Variants in PACRG observed in about 807,000 individuals in gnomAD.
PACRG encodes parkin coregulated gene protein.
A neutral mutation model predicts 29.7 loss-of-function variants in PACRG; 29 were observed. The ratio of observed to expected loss-of-function variants is 0.98; its 90% CI spans 0.73 to 1.33. The LOEUF (loss-of-function observed/expected upper bound fraction) is 1.33, where lower values mean the gene tolerates loss of function less well. Ranked by LOEUF, PACRG falls within the 40% of genes most tolerant of loss-of-function variation. The pLI is 0.00. For synonymous variants in PACRG, 116 were observed against 118.7 expected, an observed-to-expected ratio of 0.98 and a Z score of 0.15; for missense variants, 279 against 316.2, an observed-to-expected ratio of 0.88 and a Z score of 0.89.
chr6:163,026,554 T>C (rs965709186), intron 2 of PACRG, among the ~76,000 whole-genome samples: 1 of 152,228 alleles, frequency 6.6e-6, no homozygotes, highest in Admixed American at 6.5e-5. Context: ...ACTATAGTGC[T>C]GTGTCCTTAA....
intron 4 of PACRG, among the ~76,000 whole-genome samples, chr6:163,291,161 C>T (rs1398664988): frequency 3.3e-5 from 5 of 150,518 alleles, no homozygotes; most frequent in African/African-American, 1.2e-4. Context: ...TGCGGGTCAC[C>T]CTGCAAGATG....
intron 4 of PACRG, among the ~76,000 whole-genome samples, chr6:163,215,565 T>C (rs1781329739): frequency 6.6e-6 from 1 of 152,210 alleles, no homozygotes; most frequent in South Asian, 2.1e-4. Flanking sequence ...TTTAAGATGC[T>C]CATGGGACAT....
chr6:163,114,016 G>A (rs1008974451), intron 4 of PACRG, among the ~76,000 whole-genome samples: 4 of 152,172 alleles, frequency 2.6e-5, no homozygotes, highest in Admixed American at 6.5e-5. Context: ...TTGGGAGGCC[G>A]AGGTGGGCAG....
intron 4 of PACRG, among the ~76,000 whole-genome samples, chr6:163,196,007 C>T (rs1287609008): frequency 6.6e-6 from 1 of 152,148 alleles, no homozygotes; most frequent in East Asian, 1.9e-4. Context: ...CCAGAGACCC[C>T]CTACGAGCTG....
intron 4 of PACRG, among the ~76,000 whole-genome samples, chr6:163,266,856 A>G (rs1783545860): frequency 6.6e-6 from 1 of 152,114 alleles, no homozygotes; most frequent in Non-Finnish European, 1.5e-5. Flanking sequence ...AGATTTGGGG[A>G]AAGTTCCCTC....
At chr6:163,180,909 A>G (rs1448058437) in intron 4 of PACRG, among the ~76,000 whole-genome samples, 1 of 152,204 alleles carries the variant, frequency 6.6e-6, no homozygotes, top group Admixed American at 6.5e-5. Context: ...TGGCGTTTTC[A>G]TTCTCATTTC....
At chr6:163,243,082 C>A (rs1782560729) in intron 4 of PACRG, among the ~76,000 whole-genome samples, 1 of 152,228 alleles carries the variant, frequency 6.6e-6, no homozygotes, top group South Asian at 2.1e-4. Context: ...GGGAGACCAA[C>A]CATGACCCGC....
chr6:163,004,048 T>C (rs1237273244), intron 2 of PACRG, among the ~76,000 whole-genome samples: 1 of 152,172 alleles, frequency 6.6e-6, no homozygotes, highest in Non-Finnish European at 1.5e-5. Context: ...TCTTTCAGAG[T>C]TCATTGATCT....
At chr6:163,090,396 A>G (rs1359903613) in intron 4 of PACRG, 1 of 152,210 alleles carries the variant, frequency 6.6e-6, no homozygotes, top group Admixed American at 6.5e-5. Flanking sequence ...TAGAAAAAGG[A>G]CTTCAAACTG....
intron 1 of PACRG, among the ~76,000 whole-genome samples, chr6:162,812,240 G>A (rs1033864282): frequency 2.0e-5 from 3 of 152,082 alleles, no homozygotes; most frequent in African/African-American, 4.8e-5. Flanking sequence ...TAAAGGCTAT[G>A]TGTGTTCTCT....
At chr6:163,270,849 T>C (rs1327804416) in intron 4 of PACRG, among the ~76,000 whole-genome samples, 3 of 152,164 alleles carry the variant, frequency 2.0e-5, no homozygotes, top group Non-Finnish European at 4.4e-5. Flanking sequence ...TCTTCTCCAA[T>C]AGAAAATGGT....
chr6:163,250,470 T>C (rs1245191976), intron 4 of PACRG, among the ~76,000 whole-genome samples: 1 of 152,252 alleles, frequency 6.6e-6, no homozygotes, highest in African/African-American at 2.4e-5. Flanking sequence ...AAATTATGAA[T>C]ATTGGAAACT....
At chr6:163,303,988 C>T (rs2128190926) in intron 4 of PACRG, among the ~76,000 whole-genome samples, 1 of 135,964 alleles carries the variant, frequency 7.4e-6, no homozygotes, top group East Asian at 2.1e-4. Flanking sequence ...CACACTCCAG[C>T]CTGGGTGACA....
intron 4 of PACRG, among the ~76,000 whole-genome samples, chr6:163,235,912 TA>T (rs199812989): frequency 8.2e-6 from 1 of 121,398 alleles, no homozygotes; most frequent in Non-Finnish European, 1.7e-5. Context: ...AACTAAACAC[TA>T]AAAAAGAAAG....
intron 2 of PACRG, among the ~76,000 whole-genome samples, chr6:162,868,188 C>T (rs1466347097): frequency 1.3e-5 from 2 of 152,140 alleles, no homozygotes; most frequent in Non-Finnish European, 2.9e-5. Context: ...ATAGGATACA[C>T]GGTGTTCCTA....
intron 4 of PACRG, among the ~76,000 whole-genome samples, chr6:163,213,545 C>T (rs1781238500): frequency 6.6e-6 from 1 of 152,190 alleles, no homozygotes; most frequent in Non-Finnish European, 1.5e-5. Context: ...GGAATATACA[C>T]TGAACTATTT....
chr6:162,911,307 G>C (rs1200377603), intron 2 of PACRG, among the ~76,000 whole-genome samples: 1 of 152,150 alleles, frequency 6.6e-6, no homozygotes, highest in Admixed American at 6.5e-5. Context: ...TTTACCACAA[G>C]TGTTTTGAAA....
chr6:162,878,358 A>G (rs115680202), intron 2 of PACRG, among the ~76,000 whole-genome samples: 2,844 of 152,344 alleles, frequency 0.019, 73 homozygotes, highest in African/African-American at 0.059. Flanking sequence ...AAGTAAAAAA[A>G]CACACCAATG....
chr6:163,196,265 A>G (rs1195435224), intron 4 of PACRG, among the ~76,000 whole-genome samples: 1 of 152,230 alleles, frequency 6.6e-6, no homozygotes, highest in Non-Finnish European at 1.5e-5. Context: ...GACAGCGCCC[A>G]ACAGCTCTGT....
Sources: gnomAD v4.1 joint callset for allele counts (sites outside exome capture counted in the v4.1 genomes callset) on GRCh38, gnomAD v4.1.1 for gene constraint, MANE v1.5 for transcripts, NCBI Gene and HGNC (gene_info 2026-07-23, HGNC 2026-07-21) for gene names.